ZBTB20: variants seen among roughly 807,000 people sequenced by gnomAD.
The protein encoded by ZBTB20 is zinc finger and BTB domain containing 20, also known as zinc finger and BTB domain-containing protein 20.
ZBTB20 carries 9 observed loss-of-function variants against 56.9 expected under a neutral mutation model. The ratio of observed to expected loss-of-function variants is 0.16; its 90% CI spans 0.10 to 0.28. The LOEUF is 0.28. Among genes scored for constraint, ZBTB20 ranks in the 10% least tolerant of loss-of-function variants. ZBTB20 has a pLI of 1.00. For missense variants in ZBTB20, 655 were observed against 1,003.0 expected, an observed-to-expected ratio of 0.65 and a Z score of 4.69; for synonymous variants, 417 against 420.7, an observed-to-expected ratio of 0.99 and a Z score of 0.11.
intron 7 of ZBTB20, among the ~76,000 whole-genome samples, chr3:114,442,714 A>G (rs941184452): frequency 6.6e-6 from 1 of 152,058 alleles, no homozygotes; most frequent in Non-Finnish European, 1.5e-5. Context: ...TGTTCATGTG[A>G]TCTACCTCTT....
chr3:114,517,452 A>G (rs1027451104), intron 6 of ZBTB20, among the ~76,000 whole-genome samples: 1 of 152,210 alleles, frequency 6.6e-6, no homozygotes, highest in Non-Finnish European at 1.5e-5. Context: ...ACAAAGTAAT[A>G]AGGAAGACAA....
intron 3 of ZBTB20, among the ~76,000 whole-genome samples, chr3:114,962,586 C>T (rs1024986949): frequency 1.3e-5 from 2 of 152,076 alleles, no homozygotes; most frequent in East Asian, 1.9e-4. Flanking sequence ...GCTTAACAGT[C>T]GATCTTAAAT....
At chr3:114,693,925 A>C (rs2062844014) in intron 5 of ZBTB20, among the ~76,000 whole-genome samples, 1 of 152,142 alleles carries the variant, frequency 6.6e-6, no homozygotes, top group African/African-American at 2.4e-5. Context: ...AAACCACTGT[A>C]AACCACTAGG....
intron 6 of ZBTB20, among the ~76,000 whole-genome samples, chr3:114,593,875 T>C (rs971102935): frequency 6.6e-6 from 1 of 152,198 alleles, no homozygotes; most frequent in Non-Finnish European, 1.5e-5. Context: ...TGTGTTAAGG[T>C]AGACCTTTTA....
At chr3:114,535,269 G>T (rs143163238) in intron 6 of ZBTB20, among the ~76,000 whole-genome samples, 1,819 of 152,012 alleles carry the variant, frequency 0.012, 36 homozygotes, top group African/African-American at 0.039. Flanking sequence ...AGAAAAGAGA[G>T]AAGAATCAAA....
At chr3:114,704,531 C>T (rs1463173922) in intron 5 of ZBTB20, among the ~76,000 whole-genome samples, 1 of 152,034 alleles carries the variant, frequency 6.6e-6, no homozygotes, top group Non-Finnish European at 1.5e-5. Flanking sequence ...CATAAATGAA[C>T]ATGTAAACAT....
intron 2 of ZBTB20, among the ~76,000 whole-genome samples, chr3:115,005,038 T>C (rs368017732): frequency 2.0e-5 from 3 of 151,652 alleles, no homozygotes; most frequent in East Asian, 3.9e-4. Flanking sequence ...GGCCTGTTTA[T>C]GAAGGAGAAG....
At chr3:114,498,658 G>A (rs892016136) in intron 7 of ZBTB20, among the ~76,000 whole-genome samples, 1 of 152,092 alleles carries the variant, frequency 6.6e-6, no homozygotes, top group Non-Finnish European at 1.5e-5. Context: ...GTATATGAAC[G>A]GATTATCTGC....
chr3:114,399,084 A>G (rs2086587402), intron 7 of ZBTB20, among the ~76,000 whole-genome samples: 1 of 152,154 alleles, frequency 6.6e-6, no homozygotes, highest in African/African-American at 2.4e-5. Context: ...ATGTTATCTG[A>G]AGTTGGGACT....
At position 115,064,566 on chromosome 3, in the gene ZBTB20, C is replaced by T. The variant is rs537751418; in HGVS notation, c.-507+6653G>A. Among the ~76,000 whole-genome samples the T allele has an allele frequency of 1.1e-3, 163 of 150,984 alleles. 1 individual carries two copies. Among genetic ancestry groups the T allele is most frequent in the African/African-American group, 3.7e-3 (153 of 41,014 alleles). On this transcript the variant is annotated intron_variant, in intron 2 of 11. Transcript: ENST00000675478. ...TCCCGGGTTCAAGTGATTCTCCTGCCTCAGCCTCCCAAGTAGCTAGGATTA... is the reference window on the plus strand; with the variant it reads ...TCCCGGGTTCAAGTGATTCTCCTGCTTCAGCCTCCCAAGTAGCTAGGATTA...
intron 4 of ZBTB20, among the ~76,000 whole-genome samples, chr3:114,823,669 T>C (rs1258699098): frequency 6.6e-6 from 1 of 152,124 alleles, no homozygotes; most frequent in Admixed American, 6.6e-5. Flanking sequence ...TGAAAATTTA[T>C]GCCTGCAGTG....
At chr3:114,578,880 TA>T in intron 6 of ZBTB20, among the ~76,000 whole-genome samples, 1 of 151,826 alleles carries the variant, frequency 6.6e-6, no homozygotes, top group East Asian at 1.9e-4. Context: ...AAAATATTAG[TA>T]AATATAATTA....
At position 114,501,366 on chromosome 3, in the gene ZBTB20, T is replaced by C. The variant is rs2043936685; in HGVS notation, c.-294-975A>G. Among the ~76,000 whole-genome samples, 3 of 152,130 alleles carry C rather than the reference T, an allele frequency of 2.0e-5. No homozygotes were observed. The South Asian group carries it at 6.2e-4, about 32-fold the overall frequency. On this transcript the variant is annotated intron_variant, in intron 6 of 11. Coordinates refer to ENST00000675478, the MANE Select transcript of ZBTB20 (RefSeq NM_001348800.3). ...CAGGCTAGGCGCGGTGGCTCACGCC[T>C]GTAAATCCCAGCACTTTGGGAGGCC... is the stretch of plus-strand genomic sequence containing the variant.
chr3:114,650,272 C>A (rs2060062278), intron 6 of ZBTB20, among the ~76,000 whole-genome samples: 1 of 151,774 alleles, frequency 6.6e-6, no homozygotes, highest in African/African-American at 2.4e-5. Flanking sequence ...TTCTGAAAGA[C>A]CATTGAAAAG....
chr3:114,532,054 G>A (rs1426613654), intron 6 of ZBTB20, among the ~76,000 whole-genome samples: 1 of 152,160 alleles, frequency 6.6e-6, no homozygotes. Flanking sequence ...AGACAAAACT[G>A]GGCGGCCGTT....
At chr3:114,919,562 G>C (rs567011774) in intron 3 of ZBTB20, among the ~76,000 whole-genome samples, 1 of 151,836 alleles carries the variant, frequency 6.6e-6, no homozygotes, top group African/African-American at 2.4e-5. Context: ...AAAATTAGCC[G>C]GGTGCGGTGG....
intron 4 of ZBTB20, among the ~76,000 whole-genome samples, chr3:114,832,011 C>CA (rs2073871478): frequency 6.6e-6 from 1 of 152,076 alleles, no homozygotes; most frequent in South Asian, 2.1e-4. Context: ...TTTCAATCAG[C>CA]TTATCTGCAT....
intron 2 of ZBTB20, among the ~76,000 whole-genome samples, chr3:114,988,867 T>C (rs556434178): frequency 6.6e-6 from 1 of 152,372 alleles, no homozygotes; most frequent in South Asian, 2.1e-4. Context: ...ATGAGCATTT[T>C]TTCATGTCTC....
chr3:114,434,754 C>A (rs1327015724), intron 7 of ZBTB20, among the ~76,000 whole-genome samples: 1 of 151,982 alleles, frequency 6.6e-6, no homozygotes, highest in Non-Finnish European at 1.5e-5. Flanking sequence ...TATCTGCCAA[C>A]AATAAAAAGG....
Sources: allele counts gnomAD v4.1 joint callset (sites outside exome capture counted in the v4.1 genomes callset), GRCh38; gene constraint gnomAD v4.1.1; transcripts MANE v1.5; gene names NCBI Gene and HGNC (gene_info 2026-07-23, HGNC 2026-07-21).